Variants in ZFAT observed in about 807,000 individuals in gnomAD.
ZFAT encodes the protein zinc finger protein ZFAT.
In ZFAT, 64 loss-of-function variants were observed where a neutral mutation model predicts 117.7. The observed-to-expected ratio is 0.54, with a 90% CI of 0.44 to 0.67. ZFAT has a LOEUF of 0.67. Ranked by LOEUF, ZFAT falls within the 30% of genes least tolerant of loss-of-function variation. ZFAT has a pLI of 0.00. For synonymous variants in ZFAT, 679 were observed against 615.0 expected (o/e 1.10, Z -1.54); for missense variants, 1,433 against 1,584.5 (o/e 0.90, Z 1.62).
chr8:134,747,948 G>A, the ZFAT span, among the ~76,000 whole-genome samples: 1 of 152,214 alleles, frequency 6.6e-6, no homozygotes, highest in Non-Finnish European at 1.5e-5. Context: ...AAGAATCAAA[G>A]CTTATTTCTG....
At chr8:134,757,379 C>A in the ZFAT span, among the ~76,000 whole-genome samples, 1 of 152,108 alleles carries the variant, frequency 6.6e-6, no homozygotes. Flanking sequence ...GCATTCCACT[C>A]TCCAGCTAAG....
At position 134,608,897 on chromosome 8, in the gene ZFAT, G is replaced by A; in HGVS notation, c.635-18C>T. The A allele has an allele frequency of 6.3e-7, 1 of 1,594,778 alleles. No homozygotes were observed. Among genetic ancestry groups the A allele is most frequent in the Non-Finnish European group, 8.5e-7 (1 of 1,173,562 alleles). ...GGTAGCACCTGAGATTGATGCAAAA[G>A]GCATTGCTTATTGAGAGGCATCGAA... On this transcript the variant is annotated intron_variant, in intron 4 of 15. Coordinates refer to ENST00000377838, the MANE Select transcript of ZFAT (RefSeq NM_020863.4).
rs80322127 is a variant in ZFAT at position 134,611,533 on chromosome 8, G to A, written c.449-878C>T. 1.8e-3 allele frequency among the ~76,000 whole-genome samples: 280 copies of A among 152,304 alleles called. 1 individual carries two copies. Among genetic ancestry groups the A allele is most frequent in the African/African-American group, 6.4e-3 (267 of 41,558 alleles). Reference sequence around the variant, plus strand: ...GACTGGAACCTTCCTTTGGGGAATCGGGGGTGAAACATCAATGTACATGGA... The same window carrying A: ...GACTGGAACCTTCCTTTGGGGAATCAGGGGTGAAACATCAATGTACATGGA... On this transcript the variant is annotated intron_variant, in intron 3 of 15. Transcript: ENST00000377838.
chr8:134,547,103 G>T (rs1208317456), intron 11 of ZFAT, among the ~76,000 whole-genome samples: 1 of 152,168 alleles, frequency 6.6e-6, no homozygotes, highest in Non-Finnish European at 1.5e-5. Flanking sequence ...TTCTCATCTT[G>T]CAGACAAGGC....
intron 1 of ZFAT, among the ~76,000 whole-genome samples, chr8:134,687,126 A>C (rs1833360400): frequency 6.6e-6 from 1 of 152,152 alleles, no homozygotes; most frequent in South Asian, 2.1e-4. Context: ...ATCATCTCCA[A>C]GGTGCCTCCC....
chr8:134,704,926 T>C (rs959083908), intron 1 of ZFAT, among the ~76,000 whole-genome samples: 14 of 151,550 alleles, frequency 9.2e-5, no homozygotes, highest in Non-Finnish European at 1.6e-4. Flanking sequence ...TTAGGAGATT[T>C]TCTTTGGACC....
intron 7 of ZFAT, among the ~76,000 whole-genome samples, chr8:134,591,926 C>T (rs927387543): frequency 2.6e-5 from 4 of 152,328 alleles, no homozygotes; most frequent in African/African-American, 9.6e-5. Flanking sequence ...GCTGTTTATA[C>T]CACCAGCATG....
At chr8:134,693,574 G>GTA (rs1833685219) in intron 1 of ZFAT, among the ~76,000 whole-genome samples, 2 of 130,718 alleles carry the variant, frequency 1.5e-5, no homozygotes, top group South Asian at 5.2e-4. Context: ...GCATCACATT[G>GTA]TATACCTTAC....
At chr8:134,620,386 G>A (rs755664685) in intron 3 of ZFAT, among the ~76,000 whole-genome samples, 11 of 152,182 alleles carry the variant, frequency 7.2e-5, no homozygotes, top group South Asian at 2.1e-4. Flanking sequence ...GAGAAGGCAC[G>A]CTGCACAGTC....
the ZFAT span, among the ~76,000 whole-genome samples, chr8:134,804,264 T>TTTGC: frequency 6.6e-6 from 1 of 152,102 alleles, no homozygotes; most frequent in Non-Finnish European, 1.5e-5. Flanking sequence ...GGAAAAATAT[T>TTTGC]AATATAAAAA....
chr8:134,664,149 T>C lies in ZFAT; in HGVS notation c.20-6412A>G, dbSNP rs146755618. 4.9e-4 allele frequency among the ~76,000 whole-genome samples: 75 copies of C among 151,544 alleles called. 2 individuals carry two copies. The East Asian group carries it at 0.013, about 27-fold the overall frequency. On this transcript the variant is annotated intron_variant, in intron 1 of 15. Transcript: ENST00000377838. Reference sequence around the variant, plus strand: ...GGCTCTACCCCCCACTCCACCCCTATGAACACTCCCTCATTCAATCCCCCA... The same window carrying C: ...GGCTCTACCCCCCACTCCACCCCTACGAACACTCCCTCATTCAATCCCCCA...
chr8:134,507,641 T>C (rs1232533927), intron 15 of ZFAT, among the ~76,000 whole-genome samples: 1 of 152,238 alleles, frequency 6.6e-6, no homozygotes. Flanking sequence ...CTTGTGGTGC[T>C]GTCAGTCTGA....
chr8:134,601,399 T>G (rs532123135), intron 6 of ZFAT, 78 bp downstream of exon 6: 506 of 1,516,126 alleles, frequency 3.3e-4, no homozygotes, highest in Non-Finnish European at 4.1e-4. Flanking sequence ...CAAACAGACA[T>G]GAGCTCAAAT....
chr8:134,631,070 G>GA (rs1465112568), intron 3 of ZFAT, among the ~76,000 whole-genome samples: 1 of 152,120 alleles, frequency 6.6e-6, no homozygotes, highest in Non-Finnish European at 1.5e-5. Flanking sequence ...GGCTGGAAAG[G>GA]AAAAAACACC....
At chr8:134,498,302 A>G (rs1818663473) in intron 15 of ZFAT, among the ~76,000 whole-genome samples, 1 of 148,374 alleles carries the variant, frequency 6.7e-6, no homozygotes, top group Non-Finnish European at 1.5e-5. Context: ...TTACACACAG[A>G]GCCTGATTTT....
chr8:134,757,095 C>T, the ZFAT span, among the ~76,000 whole-genome samples: 2 of 145,018 alleles, frequency 1.4e-5, no homozygotes, highest in Non-Finnish European at 3.0e-5. Context: ...GGGCTCACTG[C>T]AACCTCTGCC....
the ZFAT span, among the ~76,000 whole-genome samples, chr8:134,764,110 TA>T: frequency 0.036 from 5,499 of 152,310 alleles, 220 homozygotes; most frequent in African/African-American, 0.094. Flanking sequence ...ATCATTGTTA[TA>T]ATATTTGTTG....
the ZFAT span, among the ~76,000 whole-genome samples, chr8:134,759,423 G>A: frequency 0.036 from 5,507 of 152,214 alleles, 221 homozygotes; most frequent in African/African-American, 0.094. Context: ...ACCACTGAAA[G>A]GCCTGGAACC....
At chr8:134,692,601 A>G (rs1487463397) in intron 1 of ZFAT, among the ~76,000 whole-genome samples, 1 of 152,274 alleles carries the variant, frequency 6.6e-6, no homozygotes, top group East Asian at 1.9e-4. Context: ...GATGAAAGTA[A>G]ATACAATAAA....
Sources: allele counts gnomAD v4.1 joint callset (sites outside exome capture counted in the v4.1 genomes callset), GRCh38; gene constraint gnomAD v4.1.1; transcripts MANE v1.5; gene names NCBI Gene and HGNC (gene_info 2026-07-23, HGNC 2026-07-21).